The following HERC3 variants were observed in gnomAD, a reference collection of about 807,000 sequenced individuals.
HERC3 encodes the protein HECT and RLD domain containing E3 ubiquitin protein ligase 3.
In HERC3, 58 loss-of-function variants were observed where a neutral mutation model predicts 129.9. The observed-to-expected ratio is 0.45, with a 90% CI of 0.36 to 0.56. The LOEUF (loss-of-function observed/expected upper bound fraction) is 0.56, where lower values mean the gene tolerates loss of function less well. HERC3 is among the 20% of genes least tolerant of loss of function. The pLI, the probability that HERC3 is intolerant of heterozygous loss-of-function variation, is 0.00. For missense variants in HERC3, 835 were observed against 1,244.2 expected (o/e 0.67, Z 4.95); for synonymous variants, 430 against 451.0 (o/e 0.95, Z 0.59).
upstream of HERC3, chr4:88,592,396 C>T (rs1721774232): frequency 6.6e-6 from 1 of 152,542 alleles, no homozygotes; most frequent in African/African-American, 2.4e-5. Context: ...TGGCGCGGGC[C>T]CATCCCAGAA....
the HERC3 span, among the ~76,000 whole-genome samples, chr4:88,567,919 T>A: frequency 1.3e-5 from 2 of 152,230 alleles, no homozygotes; most frequent in African/African-American, 2.4e-5. Flanking sequence ...TTTGTACACA[T>A]CTTTCTTGGG....
At chr4:88,706,129 C>G (rs960348871) in intron 25 of HERC3, among the ~76,000 whole-genome samples, 2 of 152,166 alleles carry the variant, frequency 1.3e-5, no homozygotes, top group East Asian at 1.9e-4. Flanking sequence ...GTATCACAGC[C>G]TCAGGGAATG....
At chr4:88,640,905 T>C (rs1007588772) in intron 3 of HERC3, among the ~76,000 whole-genome samples, 1 of 152,166 alleles carries the variant, frequency 6.6e-6, no homozygotes, top group Non-Finnish European at 1.5e-5. Flanking sequence ...TTGTGATAAA[T>C]AGAACTAATA....
intron 3 of HERC3, among the ~76,000 whole-genome samples, chr4:88,627,672 G>C (rs1726257966): frequency 6.6e-6 from 1 of 152,062 alleles, no homozygotes; most frequent in Non-Finnish European, 1.5e-5. Context: ...GGAGGCCGAG[G>C]TGGGCATATC....
the HERC3 span, among the ~76,000 whole-genome samples, chr4:88,530,845 A>G: frequency 2.0e-5 from 3 of 152,100 alleles, no homozygotes; most frequent in Non-Finnish European, 4.4e-5. Context: ...AAAGAGGAAT[A>G]GTATTTTATT....
the HERC3 span, among the ~76,000 whole-genome samples, chr4:88,548,615 C>T: frequency 5.3e-5 from 8 of 150,682 alleles, no homozygotes; most frequent in South Asian, 1.7e-3. Context: ...ATTTCATTAT[C>T]AGATATATGA....
the HERC3 span, among the ~76,000 whole-genome samples, chr4:88,576,274 G>T: frequency 6.6e-6 from 1 of 152,158 alleles, no homozygotes; most frequent in African/African-American, 2.4e-5. Flanking sequence ...TTCCACCCTT[G>T]CCGTCTTTCC....
At chr4:88,606,563 G>T (rs575877929) in intron 3 of HERC3, among the ~76,000 whole-genome samples, 1 of 152,182 alleles carries the variant, frequency 6.6e-6, no homozygotes, top group Non-Finnish European at 1.5e-5. Flanking sequence ...CCAAGACTGG[G>T]CAGTTTAGAA....
chr4:88,602,034 C>A (rs554965617), intron 2 of HERC3, among the ~76,000 whole-genome samples: 2 of 122,200 alleles, frequency 1.6e-5, no homozygotes, highest in Non-Finnish European at 3.3e-5. Flanking sequence ...CCAGCCTGGG[C>A]GACAGAGCGA....
chr4:88,559,137 A>C, the HERC3 span, among the ~76,000 whole-genome samples: 86 of 152,292 alleles, frequency 5.6e-4, 1 homozygote, highest in East Asian at 0.015. Context: ...CAATTTTTTG[A>C]ATTTTTGTAA....
chr4:88,606,525 C>T (rs955784078), intron 3 of HERC3, among the ~76,000 whole-genome samples: 3 of 152,186 alleles, frequency 2.0e-5, no homozygotes, highest in Middle Eastern at 3.4e-3. Flanking sequence ...TTGTATTAGT[C>T]GGTTTTCACA....
intron 2 of HERC3, among the ~76,000 whole-genome samples, chr4:88,597,049 ACTAT>A (rs769500521): frequency 4.0e-5 from 6 of 151,738 alleles, no homozygotes; most frequent in East Asian, 3.9e-4. Flanking sequence ...CATGTGCCAC[ACTAT>A]CTGTTTTCTT....
intron 2 of HERC3, among the ~76,000 whole-genome samples, chr4:88,605,475 T>C (rs1456028423): frequency 1.3e-5 from 2 of 152,228 alleles, no homozygotes; most frequent in African/African-American, 4.8e-5. Flanking sequence ...ACTTAATGGT[T>C]TGCCAAGATT....
chr4:88,539,494 C>A, the HERC3 span, among the ~76,000 whole-genome samples: 11 of 152,342 alleles, frequency 7.2e-5, no homozygotes, highest in Admixed American at 7.2e-4. Flanking sequence ...GTGGGCAGGG[C>A]ATAGCTGAAC....
chr4:88,658,664 C>T (rs955809365), intron 10 of HERC3, among the ~76,000 whole-genome samples, 173 bp downstream of exon 10: 2 of 152,158 alleles, frequency 1.3e-5, no homozygotes, highest in Non-Finnish European at 2.9e-5. Context: ...ATTTGGCTCC[C>T]TTGAAGTGCC....
the HERC3 span, chr4:88,527,294 C>T: frequency 1.3e-5 from 2 of 151,266 alleles, no homozygotes; most frequent in Non-Finnish European, 2.9e-5. Context: ...CTCTATCTCC[C>T]AGGCTGGAGT....
intron 21 of HERC3, among the ~76,000 whole-genome samples, chr4:88,682,659 T>C (rs1259643363): frequency 6.6e-6 from 1 of 152,168 alleles, no homozygotes; most frequent in African/African-American, 2.4e-5. Flanking sequence ...AACTCATCAT[T>C]TTTTATGGCT....
chr4:88,704,771 T>C (rs1271814757), intron 25 of HERC3, among the ~76,000 whole-genome samples, 161 bp downstream of exon 25: 1 of 152,108 alleles, frequency 6.6e-6, no homozygotes, highest in African/African-American at 2.4e-5. Flanking sequence ...TCAGGCACAA[T>C]ATAGGTTGTT....
chr4:88,560,350 G>A, the HERC3 span, among the ~76,000 whole-genome samples: 2 of 152,238 alleles, frequency 1.3e-5, no homozygotes, highest in African/African-American at 4.8e-5. Context: ...ATGATGTTGA[G>A]CACCTTTCAA....
Sources: allele counts gnomAD v4.1 joint callset (sites outside exome capture counted in the v4.1 genomes callset), GRCh38; gene constraint gnomAD v4.1.1; transcripts MANE v1.5; gene names NCBI Gene and HGNC (gene_info 2026-07-23, HGNC 2026-07-21).